TASP1: variants seen among roughly 807,000 people sequenced by gnomAD.
TASP1 encodes the protein threonine aspartase 1.
In TASP1, 16 loss-of-function variants were observed where a neutral mutation model predicts 56.6. The observed-to-expected ratio is 0.28, with a 90% CI of 0.19 to 0.43. TASP1 has a LOEUF of 0.43. Among genes scored for constraint, TASP1 ranks in the 20% least tolerant of loss-of-function variants. The pLI is 1.00. For synonymous variants in TASP1, 179 were observed against 184.2 expected (o/e 0.97, Z 0.23); for missense variants, 393 against 511.6 (o/e 0.77, Z 2.24).
chr20:13,555,506 C>T (rs1372527972), intron 8 of TASP1, among the ~76,000 whole-genome samples: 1 of 151,812 alleles, frequency 6.6e-6, no homozygotes, highest in East Asian at 1.9e-4. Context: ...CAAGCAGCAA[C>T]TCTTCACCTG....
At chr20:13,494,032 T>C (rs1052397948) in intron 10 of TASP1, among the ~76,000 whole-genome samples, 3 of 152,194 alleles carry the variant, frequency 2.0e-5, no homozygotes, top group African/African-American at 7.2e-5. Flanking sequence ...ATTGTATTTA[T>C]CTGGGAAACA....
At chr20:13,500,050 T>C (rs1173945475) in intron 10 of TASP1, among the ~76,000 whole-genome samples, 3 of 151,598 alleles carry the variant, frequency 2.0e-5, no homozygotes, top group African/African-American at 4.9e-5. Flanking sequence ...ATTTGAGTGA[T>C]GGATACACTA....
intron 8 of TASP1, among the ~76,000 whole-genome samples, chr20:13,534,621 A>AT (rs1321975680): frequency 6.6e-6 from 1 of 152,208 alleles, no homozygotes; most frequent in Non-Finnish European, 1.5e-5. Context: ...GGCATTTACA[A>AT]TCTTAAAGTA....
intron 10 of TASP1, among the ~76,000 whole-genome samples, chr20:13,522,014 C>A (rs188055712): frequency 9.9e-4 from 150 of 152,196 alleles, no homozygotes; most frequent in Non-Finnish European, 1.6e-3. Context: ...GCTTGAGACA[C>A]TGAGGGTGGA....
At chr20:13,271,274 G>A in the TASP1 span, among the ~76,000 whole-genome samples, 1 of 152,142 alleles carries the variant, frequency 6.6e-6, no homozygotes, top group African/African-American at 2.4e-5. Context: ...AAGTATACAT[G>A]ACTTACAAAA....
the TASP1 span, chr20:13,154,124 GC>G: frequency 2.5e-6 from 4 of 1,614,058 alleles, no homozygotes; most frequent in Non-Finnish European, 3.4e-6. Flanking sequence ...TTCTTTATAT[GC>G]CTGGTAAAGT....
At chr20:13,309,856 A>G in the TASP1 span, among the ~76,000 whole-genome samples, 1 of 152,298 alleles carries the variant, frequency 6.6e-6, no homozygotes, top group Non-Finnish European at 1.5e-5. Context: ...AGCATCAAAA[A>G]AAACTAAGGA....
the TASP1 span, among the ~76,000 whole-genome samples, chr20:13,204,190 A>T: frequency 6.6e-6 from 1 of 152,214 alleles, no homozygotes; most frequent in African/African-American, 2.4e-5. Flanking sequence ...GAGACGTCTT[A>T]GTTCCAAGGC....
At chr20:13,222,816 G>A in the TASP1 span, among the ~76,000 whole-genome samples, 2 of 152,166 alleles carry the variant, frequency 1.3e-5, no homozygotes, top group African/African-American at 4.8e-5. Context: ...TTGGAGCATA[G>A]GCAAAAGCAA....
the TASP1 span, among the ~76,000 whole-genome samples, chr20:13,306,564 C>CAAAAAAGA: frequency 1.6e-5 from 1 of 63,914 alleles, no homozygotes; most frequent in Non-Finnish European, 2.6e-5. Context: ...GGAGAAAGGA[C>CAAAAAAGA]AAAAAAAAAA....
At position 13,433,520 on chromosome 20, in the gene TASP1, C is replaced by CAAAAAAAAAA. The variant is rs74746255; in HGVS notation, c.1096+1514_1096+1523dup. Among the ~76,000 whole-genome samples, 390 of 89,170 alleles carry CAAAAAAAAAA rather than the reference C, an allele frequency of 4.4e-3. 20 individuals carry two copies. Among genetic ancestry groups the CAAAAAAAAAA allele is most frequent in the African/African-American group, 0.018 (373 of 20,946 alleles). The allele number at this position is 89,170 out of a possible 152,430, so 58.5% of individuals were successfully genotyped here. On this transcript the variant is annotated intron_variant, in intron 12 of 13. Coordinates refer to ENST00000337743, the MANE Select transcript of TASP1 (RefSeq NM_017714.3). ...CAGAGGGTAGAAGGAGACAGTATGG[C>CAAAAAAAAAA]AAAAAAAAAAAAAAAAAAAAATACA...
chr20:13,182,461 G>C, the TASP1 span, among the ~76,000 whole-genome samples: 1 of 152,046 alleles, frequency 6.6e-6, no homozygotes, highest in African/African-American at 2.4e-5. Flanking sequence ...ATTTCCATGA[G>C]GGGTAACCAG....
intron 4 of TASP1, among the ~76,000 whole-genome samples, chr20:13,588,085 C>A (rs528959850): frequency 1.4e-3 from 210 of 149,520 alleles, no homozygotes; most frequent in African/African-American, 4.9e-3. Flanking sequence ...ATAATTACGC[C>A]AAAAAAAAAG....
chr20:13,363,299 G>T, the TASP1 span, among the ~76,000 whole-genome samples: 11 of 152,090 alleles, frequency 7.2e-5, no homozygotes, highest in Non-Finnish European at 1.0e-4. Flanking sequence ...ATGCATACAT[G>T]ATGAAGTCAC....
intron 11 of TASP1, among the ~76,000 whole-genome samples, chr20:13,468,864 TG>T (rs2044363777): frequency 1.6e-5 from 2 of 126,984 alleles, no homozygotes; most frequent in Admixed American, 8.0e-5. Flanking sequence ...TATGTGTGTG[TG>T]TTTTTTTTTT....
At chr20:13,256,002 C>G in the TASP1 span, among the ~76,000 whole-genome samples, 1 of 151,904 alleles carries the variant, frequency 6.6e-6, no homozygotes, top group Non-Finnish European at 1.5e-5. Context: ...CCGTGAAGAT[C>G]CACCAGGCAG....
the TASP1 span, among the ~76,000 whole-genome samples, chr20:13,157,336 T>G: frequency 6.6e-6 from 1 of 151,450 alleles, no homozygotes; most frequent in African/African-American, 2.4e-5. Flanking sequence ...ACTTGGGAGA[T>G]TGAGGCAGGA....
At chr20:13,436,422 C>A (rs1302952553) in intron 11 of TASP1, among the ~76,000 whole-genome samples, 1 of 151,632 alleles carries the variant, frequency 6.6e-6, no homozygotes, top group African/African-American at 2.4e-5. Flanking sequence ...AGGCTGCAAG[C>A]CCATAATCTT....
intron 11 of TASP1, among the ~76,000 whole-genome samples, chr20:13,471,224 A>T (rs1419395559): frequency 6.6e-6 from 1 of 152,196 alleles, no homozygotes; most frequent in Non-Finnish European, 1.5e-5. Context: ...AGAAAATGAC[A>T]TGTGAGCAGA....
Sources: allele counts gnomAD v4.1 joint callset (sites outside exome capture counted in the v4.1 genomes callset), GRCh38; gene constraint gnomAD v4.1.1; transcripts MANE v1.5; gene names NCBI Gene and HGNC (gene_info 2026-07-23, HGNC 2026-07-21).